Variants in BCOR observed in about 807,000 individuals in gnomAD.
The protein encoded by BCOR is BCL6 corepressor, also known as BCL-6 corepressor.
In BCOR, 10 loss-of-function variants were observed where a neutral mutation model predicts 86.7. The observed-to-expected ratio is 0.12, with a 90% CI of 0.07 to 0.20. The LOEUF (loss-of-function observed/expected upper bound fraction) is 0.20, where lower values mean the gene tolerates loss of function less well. Ranked by LOEUF, BCOR falls within the 10% of genes least tolerant of loss-of-function variation. The probability of loss-of-function intolerance (pLI) is 1.00; values close to 1 mark genes in which losing one functional copy is unlikely to be tolerated. For missense variants in BCOR, 1,259 were observed against 1,452.1 expected (o/e 0.87, Z 2.16); for synonymous variants, 611 against 609.0 (o/e 1.00, Z -0.05).
chrX:40,068,954 G>A (rs924665227), intron 6 of BCOR, among the ~76,000 whole-genome samples: 1 of 112,883 alleles, frequency 8.9e-6, no homozygotes, highest in African/African-American at 3.2e-5. Context: ...GAGTGGAGGG[G>A]AGAGGCTTCG....
chrX:40,080,874 G>A (rs1255287556), intron 1 of BCOR, among the ~76,000 whole-genome samples: 1 of 104,730 alleles, frequency 9.5e-6, no homozygotes, highest in Non-Finnish European at 2.0e-5. Context: ...GTTTTGGGAG[G>A]GAAGGGGTGG....
intron 1 of BCOR, among the ~76,000 whole-genome samples, chrX:40,141,669 CAA>C (rs769254350): frequency 6.3e-5 from 7 of 110,451 alleles, no homozygotes; most frequent in Admixed American, 2.9e-4. Context: ...TTGTTCAGGG[CAA>C]GAGAGAGAGC....
chrX:40,145,533 G>A (rs1269790373), intron 1 of BCOR, among the ~76,000 whole-genome samples: 1 of 111,187 alleles, frequency 9.0e-6, no homozygotes, highest in African/African-American at 3.3e-5. Flanking sequence ...AGGTCCACGT[G>A]TGACCTCCAC....
chrX:40,147,954 C>T lies in BCOR; in HGVS notation c.-41+29053G>A, dbSNP rs773507140. On this transcript the variant is annotated intron_variant, in intron 1 of 14. Transcript: ENST00000342274. Reference sequence around the variant, plus strand: ...TCCGGGCCCCTCTGGTTTCCGCCCCCTCCTTGAGCCCAGGACAAAGGTAGC... The same window carrying T: ...TCCGGGCCCCTCTGGTTTCCGCCCCTTCCTTGAGCCCAGGACAAAGGTAGC... Among the ~76,000 whole-genome samples, 25 of 111,912 alleles carry T rather than the reference C, an allele frequency of 2.2e-4. No individual in the cohort carries two copies. The East Asian group carries it at 6.5e-3, about 29-fold the overall frequency.
At chrX:40,148,538 C>G (rs760830472) in intron 1 of BCOR, among the ~76,000 whole-genome samples, 16 of 110,981 alleles carry the variant, frequency 1.4e-4, no homozygotes, top group Non-Finnish European at 3.0e-4. Flanking sequence ...GCCGAGGAAA[C>G]AGAAGAGAGG....
rs984692222 is a variant in BCOR, at chrX:40,174,425, A to T, written c.-41+2582T>A. On this transcript the variant is annotated intron_variant, in intron 1 of 14. Transcript: ENST00000342274. ...ATTCCAGTTCTCGAGCGCCACCCGG[A>T]GAGTTCACATTTCCCCTCCTCCGAG... 5.9e-4 allele frequency among the ~76,000 whole-genome samples: 66 copies of T among 112,425 alleles called. 1 individual carries two copies. Among genetic ancestry groups the T allele is most frequent in the Admixed American group, 2.3e-3 (25 of 10,661 alleles).
At chrX:40,175,307 C>T (rs1472550089) in intron 1 of BCOR, among the ~76,000 whole-genome samples, 3 of 113,381 alleles carry the variant, frequency 2.6e-5, no homozygotes. Flanking sequence ...CTCAGCAGCT[C>T]GACGCAAAGC....
chrX:40,157,240 G>C (rs1938316453), intron 1 of BCOR, among the ~76,000 whole-genome samples: 1 of 112,309 alleles, frequency 8.9e-6, no homozygotes, highest in Non-Finnish European at 1.9e-5. Flanking sequence ...CTAATCAGGG[G>C]AGCAGGAAGG....
chrX:40,126,036 C>T (rs2147888779), intron 1 of BCOR, among the ~76,000 whole-genome samples: 1 of 108,240 alleles, frequency 9.2e-6, no homozygotes, highest in South Asian at 4.0e-4. Context: ...ATGGTGAAAC[C>T]CCGTCTCTAC....
intron 1 of BCOR, among the ~76,000 whole-genome samples, chrX:40,157,958 A>G (rs1475062548): frequency 8.9e-6 from 1 of 112,662 alleles, no homozygotes; most frequent in East Asian, 2.8e-4. Context: ...CCTGATTTCA[A>G]GTGCTTTGAG....
chrX:40,152,897 C>A (rs1000741781), intron 1 of BCOR, among the ~76,000 whole-genome samples: 3 of 113,088 alleles, frequency 2.7e-5, no homozygotes, highest in Non-Finnish European at 5.6e-5. Context: ...AGGGAAAAGC[C>A]GAGAGGGCGG....
Position 40,072,656 on chromosome X carries a change from G to A in BCOR, c.2690C>T (p.Ser897Leu), listed in dbSNP as rs147251146. 5.8e-5 allele frequency: 70 copies of A among 1,210,430 alleles called. No individual in the cohort carries two copies. Among genetic ancestry groups the A allele is most frequent in the Non-Finnish European group, 6.4e-5 (57 of 895,303 alleles). ...TNKENLGLPV[S>L]TPFLEPPLGS... ...CAGAGGTGGCTCCAGGAATGGAGTC[G>A]AGACTGGCAACCCTAGGTTCTCTTT... is the stretch of plus-strand genomic sequence containing the variant. Residue 897 changes from serine to leucine, a missense_variant, in exon 4 of 15, where the codon TCG (serine) becomes TTG (leucine). By Grantham distance (145) the Ser-to-Leu change is moderately radical. Coordinates refer to ENST00000378444, the MANE Select transcript of BCOR (RefSeq NM_001123385.2).
In BCOR at chrX:40,073,324, A is replaced by G. The variant is rs1489363073; in HGVS notation, c.2022T>C (p.His674=). Residue 674 remains histidine (H), a synonymous_variant, in exon 4 of 15, where the codon CAT becomes CAC. Transcript: ENST00000378444. ...GGTGAGGGTAGACAGGTCCTTTGCC[A>G]TGTAAGGAGAGGGGACTTACAGCAA... The part of the protein sequence containing the change: ...EGIAVSPLSL[H]GKGPVYPHPV... The G allele has an allele frequency of 8.3e-7, 1 of 1,210,245 alleles. No individual in the cohort carries two copies. Among genetic ancestry groups the G allele is most frequent in the Admixed American group, 2.2e-5 (1 of 45,779 alleles).
chrX:40,090,829 C>T (rs1954525676), intron 1 of BCOR, among the ~76,000 whole-genome samples: 1 of 111,867 alleles, frequency 8.9e-6, no homozygotes, highest in Admixed American at 9.4e-5. Flanking sequence ...CCTAGCACGA[C>T]TGCGAGCGTC....
chrX:40,164,499 T>C (rs772229660), intron 1 of BCOR, among the ~76,000 whole-genome samples: 2 of 112,413 alleles, frequency 1.8e-5, no homozygotes, highest in South Asian at 7.4e-4. Context: ...TCTTATTCTT[T>C]CTGAAATCCC....
chrX:40,137,715 G>C (rs969418547), intron 1 of BCOR, among the ~76,000 whole-genome samples: 4 of 111,622 alleles, frequency 3.6e-5, no homozygotes, highest in Non-Finnish European at 7.5e-5. Context: ...GGGGCCCCAA[G>C]ACTCTCTGGC....
intron 9 of BCOR, 127 bp from the exon 10 acceptor site, chrX:40,062,520 G>C (rs1934941318): frequency 9.5e-6 from 9 of 951,668 alleles, no homozygotes; most frequent in Non-Finnish European, 1.3e-5. Context: ...CTTTTTTTGG[G>C]GGTGGGGGGT....
chrX:40,121,304 G>T (rs1161444806), intron 1 of BCOR, among the ~76,000 whole-genome samples: 1 of 110,623 alleles, frequency 9.0e-6, no homozygotes, highest in Non-Finnish European at 1.9e-5. Flanking sequence ...CCCTCCACCC[G>T]CTTCACTTAG....
At position 40,084,705 on chromosome X, in the gene BCOR, C is replaced by T. The variant is rs1163539101; in HGVS notation, c.-40-6736G>A. On this transcript the variant is annotated intron_variant, in intron 1 of 14. Transcript: ENST00000378444. Reference sequence around the variant, plus strand: ...AAAACACAAACGCCGTCGCCGCCACCCCCCCCCACCACCACCACCACCGAA... The same window carrying T: ...AAAACACAAACGCCGTCGCCGCCACTCCCCCCCACCACCACCACCACCGAA... Among the ~76,000 whole-genome samples, 5 of 97,832 alleles carry T rather than the reference C, an allele frequency of 5.1e-5. No homozygotes were observed. The South Asian group carries it at 1.9e-3, about 36-fold the overall frequency. The allele number at this position is 97,832 out of a possible 115,157, so 85.0% of individuals were successfully genotyped here.
Sources: allele counts gnomAD v4.1 joint callset (sites outside exome capture counted in the v4.1 genomes callset), GRCh38; gene constraint gnomAD v4.1.1; transcripts MANE v1.5; gene names NCBI Gene and HGNC (gene_info 2026-07-23, HGNC 2026-07-21).